RASGEF1C: variants seen among roughly 807,000 people sequenced by gnomAD.
RASGEF1C encodes RasGEF domain family member 1C, also known as ras-GEF domain-containing family member 1C.
RASGEF1C carries 27 observed loss-of-function variants against 58.1 expected under a neutral mutation model. The ratio of observed to expected loss-of-function variants is 0.46; its 90% confidence interval spans 0.34 to 0.64. RASGEF1C has a LOEUF of 0.64. Among genes scored for constraint, RASGEF1C ranks in the 30% least tolerant of loss-of-function variants. The probability of loss-of-function intolerance (pLI) is 0.01; values close to 1 mark genes in which losing one functional copy is unlikely to be tolerated. For synonymous variants in RASGEF1C, 243 were observed against 246.3 expected (o/e 0.99, Z 0.13); for missense variants, 502 against 605.1 (o/e 0.83, Z 1.79).
chr5:180,178,782 C>T (rs572161888), intron 1 of RASGEF1C, among the ~76,000 whole-genome samples: 3 of 152,218 alleles, frequency 2.0e-5, no homozygotes, highest in South Asian at 4.1e-4. Context: ...GCCATGAGAC[C>T]CCGGGGCGTC....
intron 1 of RASGEF1C, among the ~76,000 whole-genome samples, chr5:180,139,716 G>A (rs1423480777): frequency 6.6e-6 from 1 of 152,230 alleles, no homozygotes; most frequent in Non-Finnish European, 1.5e-5. Context: ...AGGCGGCTGA[G>A]CAGGTGGGCA....
chr5:180,152,293 G>A (rs1766764828), intron 1 of RASGEF1C, among the ~76,000 whole-genome samples: 1 of 152,088 alleles, frequency 6.6e-6, no homozygotes, highest in Non-Finnish European at 1.5e-5. Context: ...ATTCACAATA[G>A]CAAAGACTTG....
intron 1 of RASGEF1C, among the ~76,000 whole-genome samples, chr5:180,170,034 G>A (rs938456010): frequency 6.6e-6 from 1 of 152,170 alleles, no homozygotes; most frequent in Admixed American, 6.5e-5. Flanking sequence ...CATTTTCCTC[G>A]TGGCTTTTCT....
chr5:180,136,258 T>C, intron 4 of RASGEF1C, 120 bp downstream of exon 4: 1 of 1,063,130 alleles, frequency 9.4e-7, no homozygotes. Context: ...AGCGGCTGGA[T>C]TTGGACGGGC....
chr5:180,199,321 G>A (rs551349137), intron 1 of RASGEF1C, among the ~76,000 whole-genome samples: 7 of 152,314 alleles, frequency 4.6e-5, no homozygotes, highest in Non-Finnish European at 1.0e-4. Flanking sequence ...TCCCGCTGTA[G>A]ATTAAAGGGA....
chr5:180,179,387 C>T (rs1192084048), intron 1 of RASGEF1C, among the ~76,000 whole-genome samples: 1 of 152,030 alleles, frequency 6.6e-6, no homozygotes, highest in Non-Finnish European at 1.5e-5. Flanking sequence ...GGCAGCATTT[C>T]AGGAGAGAAG....
At chr5:180,180,867 C>T (rs1283761954) in intron 1 of RASGEF1C, among the ~76,000 whole-genome samples, 1 of 152,240 alleles carries the variant, frequency 6.6e-6, no homozygotes, top group Non-Finnish European at 1.5e-5. Context: ...AAAAGTCCAC[C>T]TGTGCCCCTC....
At chr5:180,129,352 G>A (rs11249670) in intron 4 of RASGEF1C, among the ~76,000 whole-genome samples, 69,666 of 152,010 alleles carry the variant, frequency 0.46, 16,265 homozygotes, top group Middle Eastern at 0.5. Context: ...TGAGAGTTAG[G>A]CTTAGGGTTA....
chr5:180,133,769 C>T (rs2113273226), intron 4 of RASGEF1C, among the ~76,000 whole-genome samples: 1 of 151,572 alleles, frequency 6.6e-6, no homozygotes, highest in South Asian at 2.1e-4. Flanking sequence ...TGCATGGTAA[C>T]CATTCTTCAC....
At chr5:180,205,537 C>T (rs146335951) in intron 1 of RASGEF1C, among the ~76,000 whole-genome samples, 301 of 152,114 alleles carry the variant, frequency 2.0e-3, no homozygotes, top group African/African-American at 7.0e-3. Context: ...AAACTTAATA[C>T]GCTCTCCTTC....
chr5:180,169,769 G>C (rs1767074771), intron 1 of RASGEF1C, among the ~76,000 whole-genome samples: 1 of 151,608 alleles, frequency 6.6e-6, no homozygotes, highest in Non-Finnish European at 1.5e-5. Context: ...AGCCCCATGC[G>C]CACCCCCCAG....
chr5:180,165,661 A>C (rs1376242548), intron 1 of RASGEF1C, among the ~76,000 whole-genome samples: 2 of 115,726 alleles, frequency 1.7e-5, no homozygotes, highest in African/African-American at 6.1e-5. Context: ...ACAGAGCGAA[A>C]CTCTGTCTCA....
chr5:180,118,980 T>TGTCACATG (rs1369582250), intron 8 of RASGEF1C, 114 bp from the exon 9 acceptor site: 3 of 937,976 alleles, frequency 3.2e-6, no homozygotes, highest in Middle Eastern at 3.0e-4. Context: ...GGGCTCAGCC[T>TGTCACATG]GTCACATGGT....
chr5:180,130,209 G>A (rs1321510792), intron 4 of RASGEF1C, among the ~76,000 whole-genome samples: 3 of 152,236 alleles, frequency 2.0e-5, no homozygotes, highest in African/African-American at 7.2e-5. Flanking sequence ...ACCTGGATGA[G>A]TACTGTTGGG....
At chr5:180,138,269 C>G (rs1393275935) in intron 1 of RASGEF1C, 4 of 427,880 alleles carry the variant, frequency 9.3e-6, no homozygotes, top group Non-Finnish European at 1.6e-5. Context: ...CTCATGGCCT[C>G]TCAACTCTCC....
In RASGEF1C at chr5:180,128,626, A is replaced by G; in HGVS notation, c.439-16T>C. The G allele has an allele frequency of 6.2e-7, 1 of 1,611,430 alleles. No homozygotes were observed. Among genetic ancestry groups the G allele is most frequent in the Non-Finnish European group, 8.5e-7 (1 of 1,179,358 alleles). On this transcript the variant is annotated splice_polypyrimidine_tract_variant and intron_variant, in intron 4 of 13. Transcript: ENST00000361132. ...TCCGGTATGCCTGGTGGGTGGAAAGAAGGGCGCTCAGGACTGAACACTCAT... is the reference window on the plus strand; with the variant it reads ...TCCGGTATGCCTGGTGGGTGGAAAGGAGGGCGCTCAGGACTGAACACTCAT...
intron 12 of RASGEF1C, among the ~76,000 whole-genome samples, chr5:180,102,708 A>G (rs1765809612): frequency 6.6e-6 from 1 of 151,348 alleles, no homozygotes; most frequent in South Asian, 2.1e-4. Context: ...ATCACCTGGT[A>G]TATTTGCGTG....
chr5:180,187,793 T>C (rs934487184), intron 1 of RASGEF1C, among the ~76,000 whole-genome samples: 1 of 151,994 alleles, frequency 6.6e-6, no homozygotes, highest in Non-Finnish European at 1.5e-5. Flanking sequence ...CACAAGACAA[T>C]CAAATACCAC....
chr5:180,111,345 G>T, intron 12 of RASGEF1C, 112 bp downstream of exon 12: 2 of 1,418,524 alleles, frequency 1.4e-6, no homozygotes, highest in Non-Finnish European at 1.9e-6. Context: ...GCCAGCCCAG[G>T]TGGGCAGGGT....
Sources: allele counts gnomAD v4.1 joint callset (sites outside exome capture counted in the v4.1 genomes callset), GRCh38; gene constraint gnomAD v4.1.1; transcripts MANE v1.5; gene names NCBI Gene and HGNC (gene_info 2026-07-23, HGNC 2026-07-21).